NEDD4L: variants seen among roughly 807,000 people sequenced by gnomAD.
NEDD4L encodes NEDD4 like E3 ubiquitin protein ligase, also known as E3 ubiquitin-protein ligase NEDD4-like.
Under a neutral mutation model 148.9 loss-of-function variants are expected in NEDD4L, and 54 were observed. The observed-to-expected ratio is 0.36, with a 90% CI of 0.29 to 0.45. The LOEUF is 0.45. Ranked by LOEUF, NEDD4L falls within the 20% of genes least tolerant of loss-of-function variation. The probability of loss-of-function intolerance (pLI) is 1.00; values close to 1 mark genes in which losing one functional copy is unlikely to be tolerated. For synonymous variants in NEDD4L, 433 were observed against 440.7 expected (o/e 0.98, Z 0.22); for missense variants, 856 against 1,233.8 (o/e 0.69, Z 4.59).
intron 1 of NEDD4L, among the ~76,000 whole-genome samples, chr18:58,061,304 TAAAA>T (rs1323539458): frequency 6.6e-6 from 1 of 152,180 alleles, no homozygotes; most frequent in African/African-American, 2.4e-5. Context: ...GTTTTTCAGA[TAAAA>T]AACTGAGGCA....
chr18:58,256,189 G>T lies in NEDD4L; in HGVS notation c.297+4135G>T, dbSNP rs1262819486. ...GGTGCTCCGGCCCCGTGGACTGCGC[G>T]GAGGAGGCTGCCCCGGGCCTGCGCA... is the stretch of plus-strand genomic sequence containing the variant. On this transcript the variant is annotated intron_variant, in intron 5 of 30. Transcript: ENST00000400345. This position sits in a 1 kb window ranked among gnomAD's most constrained non-coding sequence, Gnocchi z 5.2. 1 of 1,217,706 alleles carries T rather than the reference G, an allele frequency of 8.2e-7. No individual in the cohort carries two copies. Among genetic ancestry groups the T allele is most frequent in the Non-Finnish European group, 1.0e-6 (1 of 979,242 alleles). The allele number at this position is 1,217,706 out of a possible 1,614,324, so 75.4% of individuals were successfully genotyped here. A position where few individuals can be genotyped will look rare whatever the true frequency, so the allele number is the denominator to read the frequency against.
intron 5 of NEDD4L, among the ~76,000 whole-genome samples, chr18:58,287,574 T>C (rs1047546355): frequency 6.6e-6 from 1 of 152,242 alleles, no homozygotes; most frequent in South Asian, 2.1e-4. Context: ...ATCTAAACTT[T>C]TGTTCATACT....
intron 6 of NEDD4L, among the ~76,000 whole-genome samples, chr18:58,318,121 T>G (rs540286690): frequency 5.9e-5 from 9 of 152,194 alleles, no homozygotes; most frequent in African/African-American, 2.2e-4. Context: ...CAGGTATGAG[T>G]GTGGAGAGGG....
chr18:58,270,111 G>GT (rs1188746448), intron 5 of NEDD4L, among the ~76,000 whole-genome samples: 2 of 152,158 alleles, frequency 1.3e-5, no homozygotes, highest in Non-Finnish European at 2.9e-5. Flanking sequence ...CTTTTCTCCA[G>GT]GTAACTAAAG....
chr18:58,343,388 G>T (rs988951830), intron 16 of NEDD4L, among the ~76,000 whole-genome samples: 2 of 151,884 alleles, frequency 1.3e-5, no homozygotes, highest in Non-Finnish European at 2.9e-5. Flanking sequence ...ATTGCTCTGT[G>T]CTGTTAAGAT....
chr18:58,241,576 A>G (rs564105913), intron 2 of NEDD4L, among the ~76,000 whole-genome samples: 1 of 150,356 alleles, frequency 6.7e-6, no homozygotes, highest in Non-Finnish European at 1.5e-5. Flanking sequence ...GATTCTGACT[A>G]GCAGGTCTGG....
At chr18:58,224,050 T>G (rs189276841) in intron 2 of NEDD4L, among the ~76,000 whole-genome samples, 106 of 152,334 alleles carry the variant, frequency 7.0e-4, no homozygotes, top group East Asian at 6.7e-3. Context: ...AAGAGCCCCC[T>G]GCCCTTCAGA....
chr18:58,171,841 C>T (rs1254954112), intron 2 of NEDD4L, among the ~76,000 whole-genome samples: 16 of 152,126 alleles, frequency 1.1e-4, no homozygotes, highest in Non-Finnish European at 1.5e-5. Context: ...GAAAAATGAG[C>T]ATAGAGAGAA....
intron 1 of NEDD4L, among the ~76,000 whole-genome samples, chr18:58,088,883 A>G (rs1398155997): frequency 6.6e-6 from 1 of 152,022 alleles, no homozygotes; most frequent in Admixed American, 6.6e-5. Flanking sequence ...TACTTGTGGG[A>G]AAAAAAGCCA....
chr18:58,100,467 T>C (rs1249531035), intron 1 of NEDD4L, among the ~76,000 whole-genome samples: 4 of 152,236 alleles, frequency 2.6e-5, no homozygotes, highest in African/African-American at 7.2e-5. Flanking sequence ...TCCCCTGGTC[T>C]ATGTATGCCT....
At chr18:58,285,205 C>G (rs1568575928) in intron 5 of NEDD4L, among the ~76,000 whole-genome samples, 1 of 152,058 alleles carries the variant, frequency 6.6e-6, no homozygotes, top group Admixed American at 6.6e-5. Flanking sequence ...TGCGCAGAAC[C>G]CACATCTGGT....
chr18:58,125,356 A>AGG, intron 1 of NEDD4L, among the ~76,000 whole-genome samples: 1 of 116,676 alleles, frequency 8.6e-6, no homozygotes, highest in East Asian at 2.3e-4. Flanking sequence ...CCCCACCAGG[A>AGG]GGGTGTGTGT....
In NEDD4L at chr18:58,375,926, T is replaced by C. The variant is rs143735566; in HGVS notation, c.2352+2657T>C. Among the ~76,000 whole-genome samples the C allele has an allele frequency of 2.7e-3, 416 of 152,244 alleles. 2 individuals carry two copies. Among genetic ancestry groups the C allele is most frequent in the African/African-American group, 9.5e-3 (394 of 41,550 alleles). ...TCTTAAACTGCCAATTTTCAAACGA[T>C]TAGACATGGTTAGTCACCCTGGAAG... On this transcript the variant is annotated intron_variant, in intron 24 of 30. Transcript: ENST00000400345.
chr18:58,110,578 C>T (rs548271810), intron 1 of NEDD4L, among the ~76,000 whole-genome samples: 8 of 152,306 alleles, frequency 5.3e-5, no homozygotes, highest in African/African-American at 1.4e-4. Context: ...AGAAGGTAGC[C>T]GTGCTGTGGA....
chr18:58,118,232 C>T (rs896653677), intron 1 of NEDD4L, among the ~76,000 whole-genome samples: 1 of 152,268 alleles, frequency 6.6e-6, no homozygotes, highest in Non-Finnish European at 1.5e-5. Context: ...TCAAGAGGCA[C>T]ATGCTCTTAC....
chr18:58,133,363 T>C (rs757426933), intron 1 of NEDD4L, among the ~76,000 whole-genome samples: 1 of 152,204 alleles, frequency 6.6e-6, no homozygotes, highest in Admixed American at 6.5e-5. Context: ...CCACAATGAA[T>C]CTTGCCCCAG....
chr18:58,232,500 A>G (rs1042746163), intron 2 of NEDD4L, among the ~76,000 whole-genome samples: 1 of 152,152 alleles, frequency 6.6e-6, no homozygotes, highest in Non-Finnish European at 1.5e-5. Context: ...TTCTTTCTAT[A>G]AACTCCCTTT....
intron 1 of NEDD4L, among the ~76,000 whole-genome samples, chr18:58,074,401 G>A (rs1057062998): frequency 1.3e-5 from 2 of 148,522 alleles, no homozygotes; most frequent in African/African-American, 2.5e-5. Context: ...TGGGATTACA[G>A]TTGCGTGCCA....
At chr18:58,253,514 T>C (rs974137923) in intron 5 of NEDD4L, among the ~76,000 whole-genome samples, 1 of 152,226 alleles carries the variant, frequency 6.6e-6, no homozygotes, top group Non-Finnish European at 1.5e-5. Flanking sequence ...GAGATTCTGC[T>C]GAGGGTGCAG....
Sources: gnomAD v4.1 joint callset for allele counts (sites outside exome capture counted in the v4.1 genomes callset) on GRCh38, gnomAD v4.1.1 for gene constraint, Gnocchi (gnomAD v3.1) non-coding constraint, MANE v1.5 for transcripts, NCBI Gene and HGNC (gene_info 2026-07-23, HGNC 2026-07-21) for gene names.